The following NCKAP5 variants were observed in gnomAD, a reference collection of about 807,000 sequenced individuals.
NCKAP5 encodes the protein nck-associated protein 5.
Under a neutral mutation model 167.0 loss-of-function variants are expected in NCKAP5, and 92 were observed. That is an observed-to-expected ratio of 0.55 (90% CI 0.47 to 0.66). The LOEUF is 0.66. Among genes scored for constraint, NCKAP5 ranks in the 30% least tolerant of loss-of-function variants. NCKAP5 has a pLI of 0.00. For synonymous variants in NCKAP5, 891 were observed against 877.4 expected (o/e 1.02, Z -0.27); for missense variants, 2,378 against 2,315.0 (o/e 1.03, Z -0.56).
At chr2:132,765,233 T>G (rs1214729357) in intron 16 of NCKAP5, among the ~76,000 whole-genome samples, 1 of 152,124 alleles carries the variant, frequency 6.6e-6, no homozygotes, top group Admixed American at 6.5e-5. Context: ...ATAGGAACTA[T>G]GCATAAATCA....
At position 132,752,419 on chromosome 2, in the gene NCKAP5, G is replaced by A. The variant is rs187593848; in HGVS notation, c.5129-20368C>T. Among the ~76,000 whole-genome samples the A allele has an allele frequency of 2.9e-3, 440 of 152,298 alleles. 1 individual carries two copies. Among genetic ancestry groups the A allele is most frequent in the African/African-American group, 0.01 (421 of 41,572 alleles). On this transcript the variant is annotated intron_variant, in intron 16 of 19. Transcript: ENST00000409261. ...TCCACATGAACTCAGAGGGCTAAACGGAAAGGCTTTTAATAAAGCCTCTTC... is the reference window on the plus strand; with the variant it reads ...TCCACATGAACTCAGAGGGCTAAACAGAAAGGCTTTTAATAAAGCCTCTTC...
chr2:133,413,931 G>T (rs1435861918), intron 3 of NCKAP5, among the ~76,000 whole-genome samples: 1 of 152,160 alleles, frequency 6.6e-6, no homozygotes, highest in African/African-American at 2.4e-5. Flanking sequence ...CGTCCAAGAG[G>T]TCATCTGAGT....
At chr2:133,258,799 TC>T (rs1020245407) in intron 4 of NCKAP5, among the ~76,000 whole-genome samples, 1 of 151,856 alleles carries the variant, frequency 6.6e-6, no homozygotes, top group Non-Finnish European at 1.5e-5. Context: ...AGTAACAGAT[TC>T]AGTGATCAAA....
intron 7 of NCKAP5, among the ~76,000 whole-genome samples, chr2:132,969,738 CAAAG>C (rs1444935836): frequency 1.3e-5 from 2 of 151,992 alleles, no homozygotes; most frequent in African/African-American, 4.8e-5. Flanking sequence ...GTGCTCGTGA[CAAAG>C]AGAGTTTAAA....
At chr2:133,614,943 C>T in the NCKAP5 span, among the ~76,000 whole-genome samples, 798 of 152,282 alleles carry the variant, frequency 5.2e-3, 51 homozygotes, top group East Asian at 0.13. Context: ...AGACTAACAG[C>T]GGATCTCTCA....
At chr2:133,261,261 T>C (rs1226183539) in intron 4 of NCKAP5, among the ~76,000 whole-genome samples, 1 of 152,172 alleles carries the variant, frequency 6.6e-6, no homozygotes, top group Non-Finnish European at 1.5e-5. Context: ...CCTTCAAGTT[T>C]TCCAAACGAT....
At chr2:132,837,448 T>C (rs1687971643) in intron 11 of NCKAP5, among the ~76,000 whole-genome samples, 1 of 152,180 alleles carries the variant, frequency 6.6e-6, no homozygotes. Context: ...TACTGGGAAA[T>C]TACCTATACT....
At chr2:132,994,114 A>G in intron 7 of NCKAP5, 38 bp downstream of exon 7, 1 of 1,387,968 alleles carries the variant, frequency 7.2e-7, no homozygotes, top group Non-Finnish European at 9.8e-7. Context: ...AAAAACAAGC[A>G]GACCAGTACC....
chr2:133,349,089 T>C (rs1684174109), intron 3 of NCKAP5, among the ~76,000 whole-genome samples: 2 of 152,188 alleles, frequency 1.3e-5, no homozygotes, highest in Admixed American at 1.3e-4. Flanking sequence ...AAAAATGCTG[T>C]GTCAAATCTT....
intron 3 of NCKAP5, among the ~76,000 whole-genome samples, chr2:133,383,586 G>A (rs2150957690): frequency 6.6e-6 from 1 of 152,284 alleles, no homozygotes; most frequent in East Asian, 1.9e-4. Context: ...ACCCAGTAAT[G>A]GGATGGCTGG....
chr2:132,788,230 G>C (rs1683754235), intron 13 of NCKAP5, among the ~76,000 whole-genome samples: 1 of 152,146 alleles, frequency 6.6e-6, no homozygotes, highest in Non-Finnish European at 1.5e-5. Flanking sequence ...AGTTGCTCTT[G>C]GGAAGCAGTG....
chr2:133,048,575 ATGT>A (rs1414357888), intron 6 of NCKAP5, among the ~76,000 whole-genome samples: 2 of 152,212 alleles, frequency 1.3e-5, no homozygotes, highest in African/African-American at 2.4e-5. Context: ...AATTAACAAA[ATGT>A]TGTCTTATGT....
At chr2:132,715,241 T>C (rs1262389612) in intron 19 of NCKAP5, among the ~76,000 whole-genome samples, 1 of 152,196 alleles carries the variant, frequency 6.6e-6, no homozygotes, top group Admixed American at 6.5e-5. Flanking sequence ...TCTTCCTGAA[T>C]ACCGAGCCCT....
At chr2:133,005,718 T>C (rs527612095) in intron 6 of NCKAP5, among the ~76,000 whole-genome samples, 3 of 152,336 alleles carry the variant, frequency 2.0e-5, no homozygotes, top group African/African-American at 7.2e-5. Flanking sequence ...TTGGGAGACC[T>C]TGAAGACAAC....
At chr2:133,157,969 G>A (rs577438278) in intron 5 of NCKAP5, among the ~76,000 whole-genome samples, 1 of 152,300 alleles carries the variant, frequency 6.6e-6, no homozygotes, top group African/African-American at 2.4e-5. Context: ...GAAACACTGA[G>A]AGTAGTAGTA....
the NCKAP5 span, among the ~76,000 whole-genome samples, chr2:133,616,518 C>A: frequency 1.9e-4 from 28 of 151,126 alleles, no homozygotes; most frequent in East Asian, 2.1e-3. Context: ...AGAATACTAC[C>A]AACACCTCTA....
the NCKAP5 span, among the ~76,000 whole-genome samples, chr2:133,660,893 T>C: frequency 2.0e-5 from 3 of 151,076 alleles, no homozygotes; most frequent in African/African-American, 7.3e-5. Context: ...GGATTCCTTC[T>C]AAGTGTAGAA....
At chr2:133,223,901 A>G (rs1175798064) in intron 4 of NCKAP5, among the ~76,000 whole-genome samples, 1 of 152,162 alleles carries the variant, frequency 6.6e-6, no homozygotes, top group Non-Finnish European at 1.5e-5. Flanking sequence ...ATGTACCCCA[A>G]TCCTCCCAAA....
chr2:132,676,776 A>C (rs182206022), intron 19 of NCKAP5, among the ~76,000 whole-genome samples: 23 of 152,308 alleles, frequency 1.5e-4, no homozygotes, highest in Admixed American at 5.9e-4. Context: ...TCTGCTAAGC[A>C]TAGTGCATAG....
Sources: allele counts gnomAD v4.1 joint callset (sites outside exome capture counted in the v4.1 genomes callset), GRCh38; gene constraint gnomAD v4.1.1; transcripts MANE v1.5; gene names NCBI Gene and HGNC (gene_info 2026-07-23, HGNC 2026-07-21).